The following TRIO variants were observed in gnomAD, a reference collection of about 807,000 sequenced individuals.
The protein encoded by TRIO is trio Rho guanine nucleotide exchange factor.
TRIO carries 58 observed loss-of-function variants against 351.9 expected under a neutral mutation model. That is an observed-to-expected ratio of 0.16 (90% CI 0.13 to 0.21). The LOEUF is 0.21. Among genes scored for constraint, TRIO ranks in the 10% least tolerant of loss-of-function variants. TRIO has a pLI of 1.00. For missense variants in TRIO, 3,201 were observed against 4,027.8 expected (o/e 0.79, Z 5.56); for synonymous variants, 1,758 against 1,595.7 (o/e 1.10, Z -2.42).
intron 3 of TRIO, among the ~76,000 whole-genome samples, chr5:14,284,600 C>A (rs1417916829): frequency 6.6e-6 from 1 of 152,094 alleles, no homozygotes; most frequent in African/African-American, 2.4e-5. Flanking sequence ...CCGCTTATTC[C>A]TGTTGTTAAG....
At chr5:14,420,876 G>C (rs1232390998) in intron 34 of TRIO, 1 of 152,228 alleles carries the variant, frequency 6.6e-6, no homozygotes, top group East Asian at 1.9e-4. Context: ...GATTTCTTCC[G>C]CATGTGCCTT....
intron 15 of TRIO, 143 bp downstream of exon 15, chr5:14,364,959 A>G (rs1744468540): frequency 9.3e-7 from 1 of 1,080,446 alleles, no homozygotes; most frequent in Non-Finnish European, 1.3e-6. Context: ...GATAATGCGC[A>G]CATACACACA....
At chr5:14,258,299 G>C (rs1029074499) in intron 1 of TRIO, among the ~76,000 whole-genome samples, 2 of 152,184 alleles carry the variant, frequency 1.3e-5, no homozygotes, top group Admixed American at 6.5e-5. Flanking sequence ...CTGGATCCCA[G>C]CTCCTGGGGC....
rs766210272 is a variant in TRIO at position 14,374,286 on chromosome 5, A to G, written c.3274A>G (p.Ser1092Gly). 2 of 1,613,836 alleles carry G rather than the reference A, an allele frequency of 1.2e-6. No homozygotes were observed. Among genetic ancestry groups the G allele is most frequent in the Non-Finnish European group, 1.7e-6 (2 of 1,179,802 alleles). ...CTTCCTGAAATACCTGCACAGGAAC[A>G]GCGTGAACATGCCAGGAATGGTGAC... ...DVFLKYLHRNSVNMPGMVTHI... is the reference protein window; with the variant it reads ...DVFLKYLHRNGVNMPGMVTHI... Residue 1092 changes from serine (S) to glycine (G), a missense_variant, in exon 19 of 57, where the codon AGC becomes GGC. Ser to Gly is a moderately conservative substitution (Grantham distance 56, BLOSUM62 0). This residue lies in a region of TRIO where 201 missense variants were observed against 266.5 expected (regional missense o/e 0.75). Coordinates refer to ENST00000344204, the MANE Select transcript of TRIO (RefSeq NM_007118.4).
At chr5:14,492,361 C>G in intron 48 of TRIO, 1 of 666,284 alleles carries the variant, frequency 1.5e-6, no homozygotes, top group Non-Finnish European at 2.5e-6. Context: ...AAATTGCTTT[C>G]TAGAGAAATT....
intron 7 of TRIO, among the ~76,000 whole-genome samples, chr5:14,303,498 G>T (rs1312314): frequency 5.3e-4 from 74 of 139,048 alleles, no homozygotes; most frequent in Non-Finnish European, 7.8e-4. Flanking sequence ...ATGGAGGGTG[G>T]CAGTGGAGGA....
intron 1 of TRIO, among the ~76,000 whole-genome samples, chr5:14,166,349 A>C (rs1474020737): frequency 6.6e-6 from 1 of 152,154 alleles, no homozygotes; most frequent in East Asian, 1.9e-4. Context: ...GCTTGATCCC[A>C]ATCCCCTTTA....
intron 1 of TRIO, among the ~76,000 whole-genome samples, chr5:14,156,809 A>G (rs1561143799): frequency 6.6e-6 from 1 of 152,234 alleles, no homozygotes; most frequent in Non-Finnish European, 1.5e-5. Flanking sequence ...CAAACAAAAC[A>G]GATGAAGTAA....
chr5:14,404,478 T>C (rs1187406798), intron 31 of TRIO, among the ~76,000 whole-genome samples: 3 of 152,236 alleles, frequency 2.0e-5, no homozygotes, highest in African/African-American at 4.8e-5. Context: ...TCTTTATTTC[T>C]GAACCATATT....
chr5:14,460,684 C>T (rs1753712129), intron 34 of TRIO, among the ~76,000 whole-genome samples: 2 of 152,254 alleles, frequency 1.3e-5, no homozygotes, highest in African/African-American at 4.8e-5. Context: ...CTCCAATGTC[C>T]GCAGTACCAA....
chr5:14,144,592 G>C (rs1377058635), intron 1 of TRIO, among the ~76,000 whole-genome samples: 1 of 152,106 alleles, frequency 6.6e-6, no homozygotes, highest in Non-Finnish European at 1.5e-5. Flanking sequence ...CCGGGGGGGC[G>C]GCGCGGGGCT....
At chr5:14,230,592 GCTTCCT>G (rs1342570605) in intron 1 of TRIO, among the ~76,000 whole-genome samples, 6 of 152,132 alleles carry the variant, frequency 3.9e-5, no homozygotes, top group African/African-American at 1.4e-4. Context: ...TCTCTCCTGT[GCTTCCT>G]CAGAATTTCT....
chr5:14,423,466 A>G (rs1240859015), intron 34 of TRIO, among the ~76,000 whole-genome samples: 1 of 152,206 alleles, frequency 6.6e-6, no homozygotes, highest in East Asian at 1.9e-4. Flanking sequence ...AGTCTTGGTC[A>G]CAGGAAGTAA....
At chr5:14,489,221 C>T (rs1261123105) in intron 48 of TRIO, 27 of 538,906 alleles carry the variant, frequency 5.0e-5, no homozygotes, top group Non-Finnish European at 7.9e-5. Flanking sequence ...TTATTAATGC[C>T]TTAATTGGTT....
chr5:14,210,169 A>G (rs778846824), intron 1 of TRIO, among the ~76,000 whole-genome samples: 23 of 152,322 alleles, frequency 1.5e-4, no homozygotes, highest in Non-Finnish European at 3.1e-4. Flanking sequence ...AAGGAATACA[A>G]GTAGATGGTA....
At chr5:14,167,818 C>T (rs1248239386) in intron 1 of TRIO, among the ~76,000 whole-genome samples, 2 of 152,184 alleles carry the variant, frequency 1.3e-5, no homozygotes, top group African/African-American at 4.8e-5. Context: ...TTCACTAGTC[C>T]CCCTGACCCA....
At chr5:14,409,569 T>C (rs547859961) in intron 33 of TRIO, among the ~76,000 whole-genome samples, 1 of 151,694 alleles carries the variant, frequency 6.6e-6, no homozygotes, top group Non-Finnish European at 1.5e-5. Flanking sequence ...ACGCGGTGGC[T>C]CACGCCTGTA....
Position 14,487,931 on chromosome 5 carries a change from A to G in TRIO, c.7303A>G (p.Lys2435Glu). The G allele has an allele frequency of 6.5e-7, 1 of 1,540,506 alleles. No homozygotes were observed. The highest frequency in any genetic ancestry group is 2.4e-5 in the East Asian group (1 of 40,826). ...ASGSSPDAPA[K>E]DARASLGTLP... Reference sequence around the variant, plus strand: ...GGGGTCGAGCCCAGACGCCCCCGCCAAGGACGCGCGCGCTAGCCTGGGCAC... The same window carrying G: ...GGGGTCGAGCCCAGACGCCCCCGCCGAGGACGCGCGCGCTAGCCTGGGCAC... The change falls in exon 48 of 57, where the codon AAG becomes GAG. Residue 2435 changes from lysine (K) to glutamate (E), a missense_variant. This residue lies in a region of TRIO where 1,089 missense variants were observed against 954.9 expected (regional missense o/e 1.14). Transcript: ENST00000344204.
chr5:14,160,124 G>T (rs559578143), intron 1 of TRIO, among the ~76,000 whole-genome samples: 1 of 152,194 alleles, frequency 6.6e-6, no homozygotes, highest in Non-Finnish European at 1.5e-5. Context: ...GTCCCTGAAA[G>T]AAATGAGCCT....
Sources: allele counts gnomAD v4.1 joint callset (sites outside exome capture counted in the v4.1 genomes callset), GRCh38; gene constraint gnomAD v4.1.1; regional missense constraint gnomAD v4.1.1; transcripts MANE v1.5; gene names NCBI Gene and HGNC (gene_info 2026-07-23, HGNC 2026-07-21).